The following FUT8 variants were observed in gnomAD, a reference collection of about 807,000 sequenced individuals.
FUT8 encodes alpha-(1,6)-fucosyltransferase.
A neutral mutation model predicts 71.3 loss-of-function variants in FUT8; 29 were observed. The observed-to-expected ratio is 0.41, with a 90% CI of 0.30 to 0.55. The LOEUF (loss-of-function observed/expected upper bound fraction) is 0.55, where lower values mean the gene tolerates loss of function less well. Ranked by LOEUF, FUT8 falls within the 20% of genes least tolerant of loss-of-function variation. The pLI is 0.34. For missense variants in FUT8, 544 were observed against 702.1 expected (o/e 0.77, Z 2.55); for synonymous variants, 254 against 239.3 (o/e 1.06, Z -0.57).
intron 7 of FUT8, among the ~76,000 whole-genome samples, chr14:65,698,116 A>G (rs1894090595): frequency 6.6e-6 from 1 of 152,230 alleles, no homozygotes. Context: ...TTCAATATTT[A>G]TTTCAATATG....
At chr14:65,529,170 CT>C in intron 2 of FUT8, 1 of 156,350 alleles carries the variant, frequency 6.4e-6, no homozygotes. Flanking sequence ...TGTCTATCCC[CT>C]TTATATACCA....
intron 7 of FUT8, among the ~76,000 whole-genome samples, chr14:65,695,344 A>G (rs1451145035): frequency 6.6e-6 from 1 of 152,204 alleles, no homozygotes; most frequent in Non-Finnish European, 1.5e-5. Flanking sequence ...GTCAGTTGTT[A>G]GGTGCATTAT....
intron 6 of FUT8, among the ~76,000 whole-genome samples, chr14:65,665,964 A>G (rs1324812235): frequency 6.6e-6 from 1 of 152,128 alleles, no homozygotes; most frequent in Non-Finnish European, 1.5e-5. Flanking sequence ...GAGGATCAGG[A>G]AAAGTAACTA....
rs1315767759 is a variant in FUT8, at chr14:65,550,983, G to C, written c.-227-10354G>C. Among the ~76,000 whole-genome samples the C allele has an allele frequency of 6.6e-6, 1 of 152,094 alleles. No individual in the cohort carries two copies. The highest frequency in any genetic ancestry group is 2.4e-5 in the African/African-American group (1 of 41,402). On this transcript the variant is annotated intron_variant, in intron 2 of 10. Transcript: ENST00000673929. This position sits in a 1 kb window ranked among gnomAD's most constrained non-coding sequence, Gnocchi z 4.5. ...AAAATGCATCTTAGCATAAATTTTT[G>C]CATGTGGAATTTCTTGTCAAAGGGC...
chr14:65,558,336 A>T (rs892300839), intron 2 of FUT8, among the ~76,000 whole-genome samples: 1 of 152,132 alleles, frequency 6.6e-6, no homozygotes, highest in African/African-American at 2.4e-5. Flanking sequence ...AAAAAAAAAA[A>T]AAAAAAGACT....
chr14:65,565,518 A>G (rs1257736583), intron 3 of FUT8, among the ~76,000 whole-genome samples: 8 of 151,924 alleles, frequency 5.3e-5, no homozygotes, highest in Admixed American at 3.9e-4. Context: ...CTCTTGGGCA[A>G]ATACCTAGGA....
At chr14:65,694,921 T>A (rs1893911108) in intron 7 of FUT8, among the ~76,000 whole-genome samples, 1 of 150,018 alleles carries the variant, frequency 6.7e-6, no homozygotes, top group African/African-American at 2.4e-5. Flanking sequence ...GAGGGATAGC[T>A]TTAGGAGATA....
chr14:65,721,635 A>G, intron 7 of FUT8, 140 bp from the exon 8 acceptor site: 1 of 880,226 alleles, frequency 1.1e-6, no homozygotes, highest in Non-Finnish European at 1.8e-6. Flanking sequence ...CGAGCAAGTT[A>G]TTTAACTTCC....
chr14:65,742,545 G>A lies in FUT8; in HGVS notation c.*135G>A. ...TATGAGTAGATACTCTCAGCACCAA[G>A]AGCAGCTGGGAACTGACATAGGCTT... is the stretch of plus-strand genomic sequence containing the variant. On this transcript the variant is annotated 3_prime_UTR_variant, in exon 11 of 11. Coordinates refer to ENST00000673929, the MANE Select transcript of FUT8 (RefSeq NM_001371533.1). The A allele has an allele frequency of 1.4e-6, 1 of 715,376 alleles. No individual in the cohort carries two copies. The highest frequency in any genetic ancestry group is 2.3e-6 in the Non-Finnish European group (1 of 440,104). 44.3% of individuals were successfully genotyped at this position (715,376 alleles called of 1,614,324 possible).
At chr14:65,421,259 G>A (rs1383394086) in intron 1 of FUT8, among the ~76,000 whole-genome samples, 1 of 151,176 alleles carries the variant, frequency 6.6e-6, no homozygotes, top group Non-Finnish European at 1.5e-5. Flanking sequence ...TTAAGTGGAA[G>A]TGGATCATCA....
chr14:65,459,500 G>T (rs972483233), intron 2 of FUT8, among the ~76,000 whole-genome samples: 1 of 151,988 alleles, frequency 6.6e-6, no homozygotes, highest in Non-Finnish European at 1.5e-5. Context: ...AACTGCAAAA[G>T]AAATAAACAA....
At chr14:65,734,525 T>C (rs941087240) in intron 10 of FUT8, among the ~76,000 whole-genome samples, 2 of 152,180 alleles carry the variant, frequency 1.3e-5, no homozygotes, top group African/African-American at 4.8e-5. Flanking sequence ...AGGGAAAATG[T>C]CTTCAAGTTC....
At chr14:65,440,717 T>TC (rs2065641945) in intron 1 of FUT8, among the ~76,000 whole-genome samples, 1 of 151,438 alleles carries the variant, frequency 6.6e-6, no homozygotes, top group Non-Finnish European at 1.5e-5. Flanking sequence ...ACCTAAGGTC[T>TC]TTTTTTTTAA....
the FUT8 span, among the ~76,000 whole-genome samples, chr14:65,398,519 A>T: frequency 6.6e-6 from 1 of 152,154 alleles, no homozygotes; most frequent in East Asian, 1.9e-4. Context: ...GTGGATCACA[A>T]GGTCAAGAGA....
At chr14:65,425,703 A>G (rs2065375001) in intron 1 of FUT8, among the ~76,000 whole-genome samples, 1 of 151,804 alleles carries the variant, frequency 6.6e-6, no homozygotes. Context: ...TCTGGCTGGG[A>G]GCAGTGGCTC....
rs1265467177 is a variant in FUT8 at position 65,721,908 on chromosome 14, T to G, written c.969T>G (p.Pro323=). 1 of 1,614,196 alleles carries G rather than the reference T, an allele frequency of 6.2e-7. No individual in the cohort carries two copies. The highest frequency in any genetic ancestry group is 8.5e-7 in the Non-Finnish European group (1 of 1,180,026). The change falls in exon 8 of 11, where the codon CCT becomes CCG. Residue 323 remains proline (P), a synonymous_variant. Transcript: ENST00000673929. The part of the protein sequence containing the change: ...ADRLVRVHGD[P]AVWWVSQFVK... ...GACTTGTACGAGTGCATGGTGACCC[T>G]GCAGTGTGGTGGGTGTCTCAGTTTG...
At chr14:65,360,858 CA>C in the FUT8 span, among the ~76,000 whole-genome samples, 1 of 152,018 alleles carries the variant, frequency 6.6e-6, no homozygotes, top group African/African-American at 2.4e-5. Context: ...TTAGTGAACA[CA>C]AATTAGTTGG....
At chr14:65,629,226 G>A (rs896841706) in intron 5 of FUT8, among the ~76,000 whole-genome samples, 4 of 151,882 alleles carry the variant, frequency 2.6e-5, no homozygotes, top group Non-Finnish European at 5.9e-5. Context: ...GTAGTGCTTT[G>A]TCTGTGTTGA....
intron 3 of FUT8, among the ~76,000 whole-genome samples, chr14:65,605,790 G>A (rs1285879641): frequency 6.6e-6 from 1 of 151,204 alleles, no homozygotes; most frequent in Non-Finnish European, 1.5e-5. Flanking sequence ...TTTAATTGTC[G>A]CCATTTTAAT....
Sources: allele counts gnomAD v4.1 joint callset (sites outside exome capture counted in the v4.1 genomes callset), GRCh38; gene constraint gnomAD v4.1.1; non-coding constraint Gnocchi (gnomAD v3.1); transcripts MANE v1.5; gene names NCBI Gene and HGNC (gene_info 2026-07-23, HGNC 2026-07-21).